Variants in KCNH7 observed in about 807,000 individuals in gnomAD.
The protein encoded by KCNH7 is potassium voltage-gated channel subfamily H member 7, also known as voltage-gated inwardly rectifying potassium channel KCNH7.
Under a neutral mutation model 120.8 loss-of-function variants are expected in KCNH7, and 49 were observed. The observed-to-expected ratio is 0.41, with a 90% CI of 0.32 to 0.51. KCNH7 has a LOEUF of 0.51. Ranked by LOEUF, KCNH7 falls within the 20% of genes least tolerant of loss-of-function variation. The pLI is 0.38. For synonymous variants in KCNH7, 547 were observed against 516.1 expected (o/e 1.06, Z -0.81); for missense variants, 1,097 against 1,446.6 (o/e 0.76, Z 3.92).
chr2:162,531,609 A>G (rs1218101883), intron 3 of KCNH7, among the ~76,000 whole-genome samples: 1 of 151,990 alleles, frequency 6.6e-6, no homozygotes, highest in Non-Finnish European at 1.5e-5. Flanking sequence ...CTTTGGGATC[A>G]AGACTTTGGG....
intron 2 of KCNH7, among the ~76,000 whole-genome samples, chr2:162,663,985 C>G (rs1213983334): frequency 2.0e-5 from 3 of 152,108 alleles, no homozygotes; most frequent in Non-Finnish European, 4.4e-5. Context: ...CTACTCATTT[C>G]TACCAACTCA....
At chr2:162,775,314 T>C (rs934992010) in intron 2 of KCNH7, among the ~76,000 whole-genome samples, 1 of 152,246 alleles carries the variant, frequency 6.6e-6, no homozygotes, top group African/African-American at 2.4e-5. Flanking sequence ...CATAATGTAT[T>C]TGAATTTTAG....
chr2:162,455,225 G>A (rs1688919696), intron 6 of KCNH7, among the ~76,000 whole-genome samples: 1 of 152,128 alleles, frequency 6.6e-6, no homozygotes, highest in Non-Finnish European at 1.5e-5. Flanking sequence ...CTGTTTACAT[G>A]ATGGCTTATG....
chr2:162,724,717 A>G (rs1687457427), intron 2 of KCNH7, among the ~76,000 whole-genome samples: 1 of 151,874 alleles, frequency 6.6e-6, no homozygotes, highest in Non-Finnish European at 1.5e-5. Context: ...TAGAAATGTG[A>G]TCTCTCTCTT....
chr2:162,803,968 A>T (rs1263027619), intron 2 of KCNH7, among the ~76,000 whole-genome samples: 1 of 151,870 alleles, frequency 6.6e-6, no homozygotes, highest in East Asian at 1.9e-4. Context: ...AAATCATATT[A>T]ACTTAATTTC....
At chr2:162,551,930 G>A (rs989999495) in intron 2 of KCNH7, among the ~76,000 whole-genome samples, 1 of 152,108 alleles carries the variant, frequency 6.6e-6, no homozygotes, top group Non-Finnish European at 1.5e-5. Context: ...ATAATGTATT[G>A]GTGGAAATGT....
chr2:162,743,151 C>T (rs1043756183), intron 2 of KCNH7, among the ~76,000 whole-genome samples: 6 of 152,034 alleles, frequency 3.9e-5, no homozygotes, highest in Non-Finnish European at 7.4e-5. Flanking sequence ...ATGACAGAGT[C>T]TACCATCTGC....
At chr2:162,727,322 A>T (rs546842411) in intron 2 of KCNH7, among the ~76,000 whole-genome samples, 38 of 152,316 alleles carry the variant, frequency 2.5e-4, no homozygotes, top group Non-Finnish European at 4.7e-4. Flanking sequence ...AGAGATGTAT[A>T]ACAAAATTAT....
chr2:162,667,569 T>C (rs917598576), intron 2 of KCNH7, among the ~76,000 whole-genome samples: 2 of 152,230 alleles, frequency 1.3e-5, no homozygotes, highest in Non-Finnish European at 2.9e-5. Flanking sequence ...CTCAAACTAA[T>C]ATGTATCTCA....
At chr2:162,665,821 GCTT>G (rs767847863) in intron 2 of KCNH7, among the ~76,000 whole-genome samples, 38 of 151,852 alleles carry the variant, frequency 2.5e-4, no homozygotes, top group Non-Finnish European at 5.2e-4. Flanking sequence ...AGTCATCTTC[GCTT>G]CTTTGCATAT....
chr2:162,770,906 A>G (rs1247550394), intron 2 of KCNH7, among the ~76,000 whole-genome samples: 2 of 152,072 alleles, frequency 1.3e-5, no homozygotes, highest in Non-Finnish European at 1.5e-5. Flanking sequence ...CCTCACTGTC[A>G]TACTTTTGGT....
intron 3 of KCNH7, among the ~76,000 whole-genome samples, chr2:162,532,866 G>T (rs999144748): frequency 4.6e-5 from 7 of 151,898 alleles, no homozygotes; most frequent in Non-Finnish European, 1.5e-5. Flanking sequence ...GGTAACAGAT[G>T]AGAGTCAAGT....
Position 162,747,406 on chromosome 2 carries a change from C to T in KCNH7, c.307+89131G>A, listed in dbSNP as rs542564572. On this transcript the variant is annotated intron_variant, in intron 2 of 15. Coordinates refer to ENST00000332142, the MANE Select transcript of KCNH7 (RefSeq NM_033272.4). ...GCATCTCATTTCTTGGGAATTATTT[C>T]CAAGTGTTTTCAGAAGCAAGTACAT... is the stretch of plus-strand genomic sequence containing the variant. 2.0e-5 allele frequency among the ~76,000 whole-genome samples: 3 copies of T among 152,276 alleles called. No homozygotes were observed. In the South Asian group the frequency reaches 6.2e-4, roughly 32 times the overall value.
intron 2 of KCNH7, among the ~76,000 whole-genome samples, chr2:162,583,078 A>T (rs1693931120): frequency 6.6e-6 from 1 of 152,068 alleles, no homozygotes; most frequent in South Asian, 2.1e-4. Flanking sequence ...TCAAAATTGC[A>T]TCCCTGGTTG....
At chr2:162,465,161 AG>A (rs2105618299) in intron 6 of KCNH7, among the ~76,000 whole-genome samples, 1 of 152,256 alleles carries the variant, frequency 6.6e-6, no homozygotes, top group African/African-American at 2.4e-5. Context: ...CTGTGTCACC[AG>A]GAAGCACTGC....
intron 2 of KCNH7, among the ~76,000 whole-genome samples, chr2:162,669,269 A>T (rs1296484782): frequency 6.6e-6 from 1 of 152,228 alleles, no homozygotes; most frequent in Non-Finnish European, 1.5e-5. Flanking sequence ...AGCAAATAAA[A>T]TGTAGACTGA....
At chr2:162,610,153 T>C (rs779407225) in intron 2 of KCNH7, among the ~76,000 whole-genome samples, 2 of 152,212 alleles carry the variant, frequency 1.3e-5, no homozygotes, top group Non-Finnish European at 2.9e-5. Context: ...ATGTGGTATA[T>C]TCATTCAACA....
intron 2 of KCNH7, among the ~76,000 whole-genome samples, chr2:162,662,974 C>A (rs898997389): frequency 5.9e-5 from 9 of 152,066 alleles, no homozygotes; most frequent in African/African-American, 2.2e-4. Context: ...GCTATATAAG[C>A]CAATTATTTA....
intron 2 of KCNH7, among the ~76,000 whole-genome samples, chr2:162,625,708 T>C (rs1683529738): frequency 6.6e-6 from 1 of 152,120 alleles, no homozygotes; most frequent in Non-Finnish European, 1.5e-5. Flanking sequence ...GGTAGGATAA[T>C]GGGTAGAAAG....
Sources: gnomAD v4.1 joint callset for allele counts (sites outside exome capture counted in the v4.1 genomes callset) on GRCh38, gnomAD v4.1.1 for gene constraint, MANE v1.5 for transcripts, NCBI Gene and HGNC (gene_info 2026-07-23, HGNC 2026-07-21) for gene names.